ZMYM2: variants seen among roughly 807,000 people sequenced by gnomAD.
The protein encoded by ZMYM2 is zinc finger MYM-type protein 2.
ZMYM2 carries 56 observed loss-of-function variants against 162.8 expected under a neutral mutation model. The ratio of observed to expected loss-of-function variants is 0.34; its 90% CI spans 0.28 to 0.43. The LOEUF is 0.43. Ranked by LOEUF, ZMYM2 falls within the 20% of genes least tolerant of loss-of-function variation. The pLI is 1.00. For synonymous variants in ZMYM2, 510 were observed against 541.6 expected (o/e 0.94, Z 0.81); for missense variants, 1,275 against 1,621.8 (o/e 0.79, Z 3.67).
intron 21 of ZMYM2, among the ~76,000 whole-genome samples, chr13:20,076,335 A>G (rs961453690): frequency 2.0e-5 from 3 of 150,762 alleles, no homozygotes; most frequent in South Asian, 2.1e-4. Context: ...CCTGCCCCAC[A>G]CAAATCTTCT....
the ZMYM2 span, among the ~76,000 whole-genome samples, chr13:19,920,139 T>C: frequency 1.3e-5 from 2 of 152,188 alleles, no homozygotes; most frequent in Admixed American, 6.6e-5. Context: ...TGTATCTATG[T>C]AGGCATCATG....
the ZMYM2 span, among the ~76,000 whole-genome samples, chr13:19,870,606 T>TCCTTCCTTCCTTCCTTCCTTCCTTC: frequency 6.6e-6 from 1 of 150,482 alleles, no homozygotes; most frequent in African/African-American, 2.5e-5. Flanking sequence ...CTTTCTTTCT[T>TCCTTCCTTCCTTCCTTCCTTCCTTC]TCTTTCCTTC....
chr13:20,001,172 G>A (rs1023239694), intron 3 of ZMYM2, among the ~76,000 whole-genome samples: 9 of 152,074 alleles, frequency 5.9e-5, no homozygotes, highest in African/African-American at 9.7e-5. Flanking sequence ...CAAATGGATC[G>A]GTTGAGGCCA....
chr13:20,064,428 A>G (rs1956515185), intron 18 of ZMYM2, 23 bp from the exon 19 acceptor site: 1 of 1,564,250 alleles, frequency 6.4e-7, no homozygotes, highest in Non-Finnish European at 8.7e-7. Context: ...CATTTAAAAT[A>G]AAAGTTCTGA....
intron 11 of ZMYM2, among the ~76,000 whole-genome samples, chr13:20,034,908 C>G (rs1006319997): frequency 6.6e-6 from 1 of 152,196 alleles, no homozygotes. Flanking sequence ...TTCCTCTTAT[C>G]TACACTTTTG....
intron 8 of ZMYM2, 58 bp from the exon 9 acceptor site, chr13:20,027,145 T>TA (rs1013427635): frequency 2.8e-5 from 36 of 1,280,468 alleles, no homozygotes; most frequent in African/African-American, 2.6e-4. Flanking sequence ...GTAGTTAAGA[T>TA]AAAAAAACTT....
the ZMYM2 span, among the ~76,000 whole-genome samples, chr13:19,903,839 C>T: frequency 6.7e-6 from 1 of 149,360 alleles, no homozygotes; most frequent in South Asian, 2.1e-4. Context: ...AGAGTGAGAC[C>T]CTGTCTCAAA....
chr13:19,984,356 C>A (rs541132879), intron 2 of ZMYM2, among the ~76,000 whole-genome samples: 30 of 152,244 alleles, frequency 2.0e-4, no homozygotes, highest in Non-Finnish European at 1.9e-4. Context: ...TATCACAAGG[C>A]AGCTTAAAAA....
chr13:19,864,007 C>G, the ZMYM2 span: 2 of 152,348 alleles, frequency 1.3e-5, no homozygotes, highest in South Asian at 2.1e-4. Flanking sequence ...ACCTACACAG[C>G]CCGGGAGACT....
intron 19 of ZMYM2, 84 bp from the exon 20 acceptor site, chr13:20,066,767 C>A: frequency 1.5e-6 from 2 of 1,317,822 alleles, no homozygotes; most frequent in East Asian, 2.8e-5. Flanking sequence ...TTGTAATTTG[C>A]CTTTGTTGAG....
chr13:19,915,643 A>G, the ZMYM2 span, among the ~76,000 whole-genome samples: 1 of 151,798 alleles, frequency 6.6e-6, no homozygotes, highest in Non-Finnish European at 1.5e-5. Context: ...AGCTGGGATT[A>G]TAGGTGCCCA....
chr13:20,028,736 T>TTAA (rs1439053232), intron 9 of ZMYM2, among the ~76,000 whole-genome samples: 1 of 152,166 alleles, frequency 6.6e-6, no homozygotes, highest in African/African-American at 2.4e-5. Context: ...TGTAAAGAGT[T>TTAA]GTTATACTGT....
chr13:20,030,113 TA>T (rs936901066), intron 9 of ZMYM2, among the ~76,000 whole-genome samples: 6 of 150,986 alleles, frequency 4.0e-5, no homozygotes, highest in Non-Finnish European at 7.4e-5. Context: ...GTTTTAACTT[TA>T]AAAAAAAAGG....
the ZMYM2 span, among the ~76,000 whole-genome samples, chr13:19,910,567 C>T: frequency 1.3e-5 from 2 of 150,010 alleles, no homozygotes; most frequent in African/African-American, 4.9e-5. Context: ...CTCGCTGTCA[C>T]CCAGGCTGAG....
chr13:20,026,559 T>C, intron 7 of ZMYM2, 53 bp from the exon 8 acceptor site: 1 of 1,516,138 alleles, frequency 6.6e-7, no homozygotes, highest in Non-Finnish European at 8.8e-7. Flanking sequence ...TGGTAATTCT[T>C]TTCTAGTTAA....
intron 2 of ZMYM2, among the ~76,000 whole-genome samples, chr13:19,989,830 T>C (rs1428823677): frequency 1.3e-5 from 2 of 152,234 alleles, no homozygotes; most frequent in African/African-American, 4.8e-5. Context: ...CTACTCTATC[T>C]CCATGAGTGT....
At chr13:19,992,326 A>T (rs1949691932) in intron 2 of ZMYM2, among the ~76,000 whole-genome samples, 1 of 152,280 alleles carries the variant, frequency 6.6e-6, no homozygotes, top group South Asian at 2.1e-4. Flanking sequence ...GCTGAGGCCG[A>T]GTTCAGGGGA....
chr13:19,907,024 A>C, the ZMYM2 span, among the ~76,000 whole-genome samples: 1 of 152,054 alleles, frequency 6.6e-6, no homozygotes, highest in Non-Finnish European at 1.5e-5. Flanking sequence ...CCACACCTGG[A>C]CTGCAATTTT....
At chr13:19,873,005 A>AT in the ZMYM2 span, among the ~76,000 whole-genome samples, 27 of 151,698 alleles carry the variant, frequency 1.8e-4, 1 homozygote, top group Admixed American at 4.6e-4. Context: ...ACCCCAAAAA[A>AT]AAATAAATAA....
Sources: allele counts gnomAD v4.1 joint callset (sites outside exome capture counted in the v4.1 genomes callset), GRCh38; gene constraint gnomAD v4.1.1; transcripts MANE v1.5; gene names NCBI Gene and HGNC (gene_info 2026-07-23, HGNC 2026-07-21).